The following PIKFYVE variants were observed in gnomAD, a reference collection of about 807,000 sequenced individuals.
PIKFYVE encodes the protein 1-phosphatidylinositol 3-phosphate 5-kinase.
Under a neutral mutation model 257.9 loss-of-function variants are expected in PIKFYVE, and 122 were observed. The observed-to-expected ratio is 0.47, with a 90% confidence interval of 0.41 to 0.55. The LOEUF is 0.55. Among genes scored for constraint, PIKFYVE ranks in the 20% least tolerant of loss-of-function variants. The pLI is 0.00. For synonymous variants in PIKFYVE, 892 were observed against 868.9 expected (o/e 1.03, Z -0.47); for missense variants, 2,160 against 2,536.6 (o/e 0.85, Z 3.19).
chr2:208,291,803 C>A (rs905656533), intron 7 of PIKFYVE, among the ~76,000 whole-genome samples: 1 of 151,964 alleles, frequency 6.6e-6, no homozygotes, highest in Non-Finnish European at 1.5e-5. Context: ...GACTTCTTCT[C>A]TAATCTTTAT....
At chr2:208,341,889 A>G (rs1412818054) in intron 31 of PIKFYVE, among the ~76,000 whole-genome samples, 1 of 151,926 alleles carries the variant, frequency 6.6e-6, no homozygotes, top group Non-Finnish European at 1.5e-5. Context: ...CAGAGATTAT[A>G]TTTATTTATT....
chr2:208,281,699 A>T (rs1016200960), intron 5 of PIKFYVE, among the ~76,000 whole-genome samples: 3 of 152,192 alleles, frequency 2.0e-5, no homozygotes, highest in Non-Finnish European at 4.4e-5. Context: ...TCCTCAAATG[A>T]GGTGGAAAGA....
intron 12 of PIKFYVE, among the ~76,000 whole-genome samples, chr2:208,306,461 G>A (rs139696339): frequency 0.011 from 1,638 of 152,322 alleles, 17 homozygotes; most frequent in Middle Eastern, 0.027. Flanking sequence ...ACATTTTGCT[G>A]TAAGCAGAAT....
chr2:208,328,017 C>T (rs1697128792), intron 20 of PIKFYVE, among the ~76,000 whole-genome samples, 163 bp from the exon 21 acceptor site: 1 of 152,082 alleles, frequency 6.6e-6, no homozygotes, highest in African/African-American at 2.4e-5. Context: ...TTCTCAAAAA[C>T]CAACTGCCCT....
chr2:208,283,827 G>T (rs1012216800), intron 5 of PIKFYVE, among the ~76,000 whole-genome samples: 1 of 152,128 alleles, frequency 6.6e-6, no homozygotes, highest in African/African-American at 2.4e-5. Context: ...CAAGCAGTCC[G>T]CCTGCCTTGG....
At chr2:208,298,820 A>G in intron 8 of PIKFYVE, 41 bp downstream of exon 8, 1 of 1,611,422 alleles carries the variant, frequency 6.2e-7, no homozygotes. Flanking sequence ...AGTTTTGAGC[A>G]TAGAGAATGT....
At chr2:208,350,586 T>G (rs565679607) in intron 36 of PIKFYVE, among the ~76,000 whole-genome samples, 185 bp from the exon 37 acceptor site, 1 of 152,284 alleles carries the variant, frequency 6.6e-6, no homozygotes, top group African/African-American at 2.4e-5. Context: ...ACGATGTTCT[T>G]TAATTCCCCC....
intron 7 of PIKFYVE, among the ~76,000 whole-genome samples, chr2:208,298,364 C>G (rs1199963159): frequency 6.6e-6 from 1 of 152,126 alleles, no homozygotes; most frequent in Admixed American, 6.5e-5. Flanking sequence ...CTTTCCATAA[C>G]TACTTTCTTT....
chr2:208,303,643 G>A (rs953450296), intron 10 of PIKFYVE, among the ~76,000 whole-genome samples: 5 of 152,126 alleles, frequency 3.3e-5, no homozygotes, highest in Non-Finnish European at 5.9e-5. Context: ...GCTGTCTCAG[G>A]GGTAGCAGAG....
Position 208,357,084 on chromosome 2 carries a change from C to T in PIKFYVE, c.*1779C>T, listed in dbSNP as rs1041597888. 6.6e-6 allele frequency: 1 copy of T among 152,018 alleles called. No individual in the cohort carries two copies. The highest frequency in any genetic ancestry group is 2.4e-5 in the African/African-American group (1 of 41,364). 9.4% of individuals were successfully genotyped at this position (152,018 alleles called of 1,614,324 possible). On this transcript the variant is annotated 3_prime_UTR_variant, in exon 42 of 42. Transcript: ENST00000264380. ...AATGTGATGCTAAGTTCCACTTGGC[C>T]CCTTTTAAAAACGTGTATGTGCCTT...
chr2:208,296,850 C>T (rs1693055635), intron 7 of PIKFYVE, among the ~76,000 whole-genome samples: 1 of 152,102 alleles, frequency 6.6e-6, no homozygotes, highest in Admixed American at 6.5e-5. Context: ...TTAACAACAA[C>T]ATTGGTAATC....
intron 2 of PIKFYVE, among the ~76,000 whole-genome samples, chr2:208,272,707 C>G (rs1689590168): frequency 6.6e-6 from 1 of 151,734 alleles, no homozygotes; most frequent in African/African-American, 2.4e-5. Flanking sequence ...CTCAGTAGAA[C>G]CTTTAATAAT....
At position 208,350,817 on chromosome 2, in the gene PIKFYVE, G is replaced by C. The variant is rs1011760454; in HGVS notation, c.5481G>C (p.Ala1827=). 2 of 1,614,150 alleles carry C rather than the reference G, an allele frequency of 1.2e-6. No individual in the cohort carries two copies. Among genetic ancestry groups the C allele is most frequent in the African/African-American group, 1.3e-5 (1 of 75,028 alleles). ...NAKFYCRLYY[A]GEFHKMREVI... ...AGTTTTACTGTCGGCTCTACTATGC[G>C]GGAGAGTTTCATAAGATGCGTGAAG... The change falls in exon 37 of 42, where the codon GCG becomes GCC. Residue 1827 remains alanine, a synonymous_variant. Coordinates refer to ENST00000264380, the MANE Select transcript of PIKFYVE (RefSeq NM_015040.4).
At chr2:208,280,602 G>A (rs1241407751) in intron 5 of PIKFYVE, among the ~76,000 whole-genome samples, 1 of 152,188 alleles carries the variant, frequency 6.6e-6, no homozygotes, top group Non-Finnish European at 1.5e-5. Context: ...GATTAACGGT[G>A]TACATTTCTG....
chr2:208,312,903 C>T (rs1054244529), intron 13 of PIKFYVE, among the ~76,000 whole-genome samples: 10 of 152,130 alleles, frequency 6.6e-5, no homozygotes, highest in African/African-American at 2.4e-4. Flanking sequence ...TTCTTGGCTC[C>T]CACGGTTTCA....
chr2:208,283,693 ACCTCTCCGCCTCCCAAGTAG>A (rs1223169348), intron 5 of PIKFYVE, among the ~76,000 whole-genome samples: 2 of 151,732 alleles, frequency 1.3e-5, no homozygotes, highest in African/African-American at 2.4e-5. Context: ...CAATCCTCCT[ACCTCTCCGCCTCCCAAGTAG>A]CTTGGACTAC....
chr2:208,288,838 C>T lies in PIKFYVE; in HGVS notation c.911+20C>T, dbSNP rs753060798. 10 of 1,612,092 alleles carry T rather than the reference C, an allele frequency of 6.2e-6. No individual in the cohort carries two copies. The highest frequency in any genetic ancestry group is 8.5e-6 in the Non-Finnish European group (10 of 1,178,268). On this transcript the variant is annotated intron_variant, in intron 7 of 41. Transcript: ENST00000264380. The stretch of plus-strand genomic sequence containing the variant: ...AAATAGGTAAACTGACAAATGAAAA[C>T]ACTGTGCTCTCTGATGTTTATTTCT...
intron 23 of PIKFYVE, 59 bp from the exon 24 acceptor site, chr2:208,333,256 T>C (rs1697758897): frequency 1.3e-6 from 2 of 1,557,954 alleles, no homozygotes; most frequent in East Asian, 4.5e-5. Flanking sequence ...GAAAATGTTA[T>C]TTTTTGAAAA....
intron 16 of PIKFYVE, among the ~76,000 whole-genome samples, chr2:208,319,078 C>T (rs1398283469): frequency 6.6e-6 from 1 of 152,066 alleles, no homozygotes. Context: ...GAATCACCAG[C>T]GGAAACATTC....
Sources: allele counts gnomAD v4.1 joint callset (sites outside exome capture counted in the v4.1 genomes callset), GRCh38; gene constraint gnomAD v4.1.1; transcripts MANE v1.5; gene names NCBI Gene and HGNC (gene_info 2026-07-23, HGNC 2026-07-21).